ARB2A: variants seen among roughly 807,000 people sequenced by gnomAD.
ARB2A encodes ARB2 cotranscriptional regulator A.
chr5:93,911,039 G>T, the ARB2A span: 2 of 151,452 alleles, frequency 1.3e-5, no homozygotes, highest in Admixed American at 1.3e-4. Context: ...CATTTCCCCT[G>T]AATCCTCTCA....
chr5:94,084,219 A>G, the ARB2A span, among the ~76,000 whole-genome samples: 1 of 147,738 alleles, frequency 6.8e-6, no homozygotes, highest in Non-Finnish European at 1.5e-5. Flanking sequence ...GGTCGCAGGG[A>G]GCACAGATTG....
the ARB2A span, among the ~76,000 whole-genome samples, chr5:94,105,078 C>T: frequency 7.2e-5 from 11 of 152,004 alleles, no homozygotes; most frequent in East Asian, 1.9e-4. Flanking sequence ...CCTTGAAAAC[C>T]GGAACAAGAC....
chr5:93,940,539 T>C, the ARB2A span, among the ~76,000 whole-genome samples: 2 of 151,988 alleles, frequency 1.3e-5, no homozygotes, highest in South Asian at 4.1e-4. Flanking sequence ...CAATTTATAG[T>C]GAAATTAATA....
chr5:93,944,685 G>T, the ARB2A span, among the ~76,000 whole-genome samples: 1 of 151,606 alleles, frequency 6.6e-6, no homozygotes, highest in African/African-American at 2.4e-5. Flanking sequence ...AGAGAAGAAT[G>T]AAAGAACAAA....
the ARB2A span, among the ~76,000 whole-genome samples, chr5:93,880,363 G>T: frequency 6.6e-6 from 1 of 151,698 alleles, no homozygotes; most frequent in Non-Finnish European, 1.5e-5. Context: ...ATTATGCCAT[G>T]AACTAGAATA....
chr5:94,014,896 G>C, the ARB2A span, among the ~76,000 whole-genome samples: 1 of 149,604 alleles, frequency 6.7e-6, no homozygotes, highest in Non-Finnish European at 1.5e-5. Flanking sequence ...ACGAGATACA[G>C]AAAATTAACT....
the ARB2A span, among the ~76,000 whole-genome samples, chr5:94,094,170 T>A: frequency 6.6e-6 from 1 of 152,208 alleles, no homozygotes; most frequent in African/African-American, 2.4e-5. Context: ...CAAAACTGCA[T>A]AGACTGGGTT....
the ARB2A span, among the ~76,000 whole-genome samples, chr5:93,730,522 A>G: frequency 6.6e-6 from 1 of 152,168 alleles, no homozygotes. Context: ...TACAGTAAAT[A>G]TATGTAAAAA....
chr5:93,866,394 A>C, the ARB2A span, among the ~76,000 whole-genome samples: 2 of 152,296 alleles, frequency 1.3e-5, no homozygotes, highest in South Asian at 4.1e-4. Flanking sequence ...TAAATTACTT[A>C]TTGGGCACTT....
the ARB2A span, chr5:93,805,862 C>T: frequency 2.0e-6 from 2 of 984,950 alleles, no homozygotes; most frequent in African/African-American, 3.5e-5. Context: ...ATGGTTCTTC[C>T]ACATAGCTAA....
chr5:93,820,242 C>A, the ARB2A span, among the ~76,000 whole-genome samples: 1 of 151,986 alleles, frequency 6.6e-6, no homozygotes, highest in African/African-American at 2.4e-5. Context: ...GCACTGCAAA[C>A]GGGGAAGGTA....
chr5:94,016,386 C>G, the ARB2A span, among the ~76,000 whole-genome samples: 1 of 152,156 alleles, frequency 6.6e-6, no homozygotes, highest in Non-Finnish European at 1.5e-5. Context: ...AATAGAGAAA[C>G]ATGTTTGGGT....
At chr5:94,064,149 G>C in the ARB2A span, among the ~76,000 whole-genome samples, 1 of 151,982 alleles carries the variant, frequency 6.6e-6, no homozygotes, top group African/African-American at 2.4e-5. Flanking sequence ...AAGATGGACA[G>C]ATATAAAAAA....
At chr5:93,917,024 C>G in the ARB2A span, among the ~76,000 whole-genome samples, 25 of 152,302 alleles carry the variant, frequency 1.6e-4, no homozygotes, top group Non-Finnish European at 2.2e-4. Flanking sequence ...AGCTTACAAA[C>G]ATATTCTTTC....
the ARB2A span, among the ~76,000 whole-genome samples, chr5:93,728,661 G>A: frequency 6.6e-6 from 1 of 151,820 alleles, no homozygotes; most frequent in African/African-American, 2.4e-5. Context: ...GCAAACCATC[G>A]AGAAGCTTTA....
the ARB2A span, among the ~76,000 whole-genome samples, chr5:93,749,698 G>A: frequency 2.0e-5 from 3 of 152,026 alleles, no homozygotes; most frequent in African/African-American, 7.2e-5. Flanking sequence ...AGATCTTCCT[G>A]GTAAATGCTG....
At chr5:93,982,618 CAGA>C in the ARB2A span, among the ~76,000 whole-genome samples, 2 of 152,276 alleles carry the variant, frequency 1.3e-5, no homozygotes, top group South Asian at 4.1e-4. Flanking sequence ...ACTGCACTTT[CAGA>C]AACTCAGATA....
At chr5:94,044,945 C>T in the ARB2A span, among the ~76,000 whole-genome samples, 213 of 151,762 alleles carry the variant, frequency 1.4e-3, 6 homozygotes, top group East Asian at 0.039. Flanking sequence ...TGAGGAAACC[C>T]CATCTCTACT....
At chr5:93,630,457 T>C in the ARB2A span, among the ~76,000 whole-genome samples, 1 of 152,168 alleles carries the variant, frequency 6.6e-6, no homozygotes, top group Admixed American at 6.5e-5. Flanking sequence ...AGGCAAGAAG[T>C]CAAGTTTGAC....
Sources: allele counts gnomAD v4.1 joint callset (sites outside exome capture counted in the v4.1 genomes callset), GRCh38; gene constraint gnomAD v4.1.1; transcripts MANE v1.5; gene names NCBI Gene and HGNC (gene_info 2026-07-23, HGNC 2026-07-21).